The following SPAG16 variants were observed in gnomAD, a reference collection of about 807,000 sequenced individuals.
SPAG16 encodes sperm associated antigen 16, also known as sperm-associated antigen 16 protein.
SPAG16 carries 86 observed loss-of-function variants against 80.4 expected under a neutral mutation model. That is an observed-to-expected ratio of 1.07 (90% CI 0.90 to 1.28). The LOEUF is 1.28. Among genes scored for constraint, SPAG16 ranks in the 50% most tolerant of loss-of-function variants. The probability of loss-of-function intolerance (pLI) is 0.00; values close to 1 mark genes in which losing one functional copy is unlikely to be tolerated. For missense variants in SPAG16, 870 were observed against 765.3 expected (o/e 1.14, Z -1.61); for synonymous variants, 294 against 265.9 (o/e 1.11, Z -1.03).
At chr2:213,372,316 C>T (rs994669835) in intron 8 of SPAG16, among the ~76,000 whole-genome samples, 4 of 151,842 alleles carry the variant, frequency 2.6e-5, no homozygotes, top group African/African-American at 7.3e-5. Context: ...TTATTAATTC[C>T]GGATGACCTT....
intron 5 of SPAG16, among the ~76,000 whole-genome samples, chr2:213,332,308 G>T (rs2064145729): frequency 1.3e-5 from 2 of 152,208 alleles, no homozygotes; most frequent in South Asian, 4.1e-4. Flanking sequence ...TAAATTCCTA[G>T]TTAGATACAA....
chr2:213,777,971 C>T (rs146304498), intron 10 of SPAG16, among the ~76,000 whole-genome samples: 1 of 152,152 alleles, frequency 6.6e-6, no homozygotes, highest in African/African-American at 2.4e-5. Flanking sequence ...GAAAAACTTG[C>T]TCTTTTAGTT....
At chr2:213,286,232 C>T (rs990489316) in intron 1 of SPAG16, among the ~76,000 whole-genome samples, 12 of 152,074 alleles carry the variant, frequency 7.9e-5, no homozygotes, top group African/African-American at 2.2e-4. Context: ...TTTTACTAAC[C>T]GTTGTGTGAA....
intron 10 of SPAG16, among the ~76,000 whole-genome samples, chr2:213,654,345 T>G (rs2063133169): frequency 7.1e-6 from 1 of 141,208 alleles, no homozygotes; most frequent in Non-Finnish European, 1.6e-5. Context: ...CGCTTGAACA[T>G]CTATTGTTTT....
chr2:213,928,514 A>G (rs1054845033), intron 11 of SPAG16, among the ~76,000 whole-genome samples: 19 of 152,264 alleles, frequency 1.2e-4, no homozygotes, highest in Admixed American at 1.1e-3. Context: ...TAGAAATTAC[A>G]TTTCCCTCTT....
At chr2:213,844,141 A>T (rs999517187) in intron 10 of SPAG16, among the ~76,000 whole-genome samples, 1 of 152,118 alleles carries the variant, frequency 6.6e-6, no homozygotes, top group Non-Finnish European at 1.5e-5. Flanking sequence ...AACCAAGAAC[A>T]CTCAGCTTGC....
chr2:213,716,850 C>A (rs866159854), intron 10 of SPAG16, among the ~76,000 whole-genome samples: 11 of 152,078 alleles, frequency 7.2e-5, no homozygotes, highest in Admixed American at 2.6e-4. Context: ...AAAATAAGTT[C>A]TTTGATCTCA....
At chr2:213,634,727 G>T (rs181370430) in intron 10 of SPAG16, among the ~76,000 whole-genome samples, 1 of 152,184 alleles carries the variant, frequency 6.6e-6, no homozygotes, top group African/African-American at 2.4e-5. Context: ...CTGTACCCAA[G>T]ATGTAGACTT....
At chr2:214,271,647 A>G (rs1692016750) in intron 15 of SPAG16, among the ~76,000 whole-genome samples, 2 of 152,132 alleles carry the variant, frequency 1.3e-5, no homozygotes. Flanking sequence ...TAAAAATACA[A>G]AAGTTAGCTG....
chr2:213,747,409 G>T (rs1024762730), intron 10 of SPAG16, among the ~76,000 whole-genome samples: 1 of 152,056 alleles, frequency 6.6e-6, no homozygotes, highest in Non-Finnish European at 1.5e-5. Context: ...TTATAAAGTC[G>T]ATAGTAATGT....
chr2:213,882,167 A>G (rs1365824), intron 11 of SPAG16, among the ~76,000 whole-genome samples: 90,421 of 152,110 alleles, frequency 0.59, 28,769 homozygotes, highest in South Asian at 0.85. Flanking sequence ...GCCTTGCATT[A>G]CAGGAATAAA....
At chr2:213,456,498 G>T (rs1282318196) in intron 9 of SPAG16, among the ~76,000 whole-genome samples, 2 of 152,108 alleles carry the variant, frequency 1.3e-5, no homozygotes, top group Admixed American at 1.3e-4. Flanking sequence ...CATTCCCTTG[G>T]TTGTTTCCCC....
At chr2:213,371,704 C>T (rs1045092774) in intron 8 of SPAG16, among the ~76,000 whole-genome samples, 2 of 31,466 alleles carry the variant, frequency 6.4e-5, no homozygotes, top group Non-Finnish European at 3.4e-4. Flanking sequence ...GAAGAAGACA[C>T]ATTAATTGTT....
At chr2:213,350,888 C>G (rs2065287321) in intron 7 of SPAG16, among the ~76,000 whole-genome samples, 1 of 151,762 alleles carries the variant, frequency 6.6e-6, no homozygotes, top group Admixed American at 6.6e-5. Flanking sequence ...CTTTGGGAGA[C>G]CAAGGTAGGT....
intron 5 of SPAG16, among the ~76,000 whole-genome samples, chr2:213,319,131 G>T (rs1014504071): frequency 2.6e-5 from 4 of 151,956 alleles, no homozygotes; most frequent in Non-Finnish European, 2.9e-5. Context: ...AGCAGAGTTC[G>T]TGTTTTATTT....
chr2:213,760,279 C>T (rs2068583210), intron 10 of SPAG16, among the ~76,000 whole-genome samples: 1 of 152,000 alleles, frequency 6.6e-6, no homozygotes, highest in African/African-American at 2.4e-5. Flanking sequence ...GGTAGCTATA[C>T]TGAGAACAGA....
intron 9 of SPAG16, among the ~76,000 whole-genome samples, chr2:213,382,502 A>G (rs907224972): frequency 1.3e-5 from 2 of 152,196 alleles, no homozygotes; most frequent in Non-Finnish European, 2.9e-5. Context: ...TTCATTTTCT[A>G]CAGATAGTTT....
intron 10 of SPAG16, among the ~76,000 whole-genome samples, chr2:213,508,219 A>G (rs569663518): frequency 6.6e-6 from 1 of 152,204 alleles, no homozygotes; most frequent in Non-Finnish European, 1.5e-5. Flanking sequence ...TCCAACAATG[A>G]TAGACTGGAT....
intron 10 of SPAG16, among the ~76,000 whole-genome samples, chr2:213,566,239 A>T (rs2059758320): frequency 6.6e-6 from 1 of 152,206 alleles, no homozygotes; most frequent in Non-Finnish European, 1.5e-5. Context: ...GTGAAATTGC[A>T]AACGATGCTA....
Sources: gnomAD v4.1 joint callset for allele counts (sites outside exome capture counted in the v4.1 genomes callset) on GRCh38, gnomAD v4.1.1 for gene constraint, MANE v1.5 for transcripts, NCBI Gene and HGNC (gene_info 2026-07-23, HGNC 2026-07-21) for gene names.